SZT2: variants seen among roughly 807,000 people sequenced by gnomAD.
The protein encoded by SZT2 is SZT2 subunit of KICSTOR complex.
A neutral mutation model predicts 404.2 loss-of-function variants in SZT2; 216 were observed. The ratio of observed to expected loss-of-function variants is 0.53; its 90% CI spans 0.48 to 0.60. The LOEUF is 0.60. Among genes scored for constraint, SZT2 ranks in the 20% least tolerant of loss-of-function variants. The pLI, the probability that SZT2 is intolerant of heterozygous loss-of-function variation, is 0.00. For missense variants in SZT2, 3,857 were observed against 4,459.2 expected, an observed-to-expected ratio of 0.86 and a Z score of 3.85; for synonymous variants, 1,693 against 1,749.9, an observed-to-expected ratio of 0.97 and a Z score of 0.81.
chr1:43,422,280 A>G, intron 12 of SZT2, 55 bp downstream of exon 12: 1 of 1,527,004 alleles, frequency 6.5e-7, no homozygotes, highest in Non-Finnish European at 8.8e-7. Flanking sequence ...GGTCAGGGGG[A>G]TAGGGAATGA....
intron 28 of SZT2, 23 bp downstream of exon 28, chr1:43,428,509 G>A (rs1290334478): frequency 6.2e-7 from 1 of 1,608,390 alleles, no homozygotes; most frequent in Admixed American, 1.7e-5. Flanking sequence ...CTTGAATGAT[G>A]GATAAGGGGG....
rs1185144672 is a variant in SZT2, at chr1:43,426,988, G to A, written c.3310-68G>A. On this transcript the variant is annotated intron_variant, in intron 23 of 71. Coordinates refer to ENST00000634258, the MANE Select transcript of SZT2 (RefSeq NM_001365999.1). The surrounding 1 kb of genome is among the most constrained non-coding windows in gnomAD (Gnocchi z 4.9). ...ATACCTAAGATGAGTCAGCTCTAGG[G>A]TGGAGGAGGGGAACAGGGGTTGGAC... 3 of 1,601,086 alleles carry A rather than the reference G, an allele frequency of 1.9e-6. No individual in the cohort carries two copies. Among genetic ancestry groups the A allele is most frequent in the Non-Finnish European group, 2.6e-6 (3 of 1,171,490 alleles).
Position 43,441,346 on chromosome 1 carries a change from G to A in SZT2, c.7477G>A (p.Ala2493Thr), listed in dbSNP as rs1212289852. 2 of 1,614,198 alleles carry A rather than the reference G, an allele frequency of 1.2e-6. No individual in the cohort carries two copies. Among genetic ancestry groups the A allele is most frequent in the South Asian group, 2.2e-5 (2 of 91,074 alleles). Reference protein sequence around the residue: ...SVRTPGGAERAPGSDSGAQRQ... With the variant: ...SVRTPGGAERTPGSDSGAQRQ... Reference sequence around the variant, plus strand: ...TCGGACTCCTGGTGGAGCTGAGCGGGCGCCAGGCTCAGATTCTGGAGCCCA... The same window carrying A: ...TCGGACTCCTGGTGGAGCTGAGCGGACGCCAGGCTCAGATTCTGGAGCCCA... The change falls in exon 53 of 72, where the codon GCG (alanine) becomes ACG (threonine). Residue 2493 changes from alanine (A) to threonine (T), a missense_variant. Transcript: ENST00000634258. The surrounding 1 kb of genome is among the most constrained non-coding windows in gnomAD (Gnocchi z 4.8).
intron 28 of SZT2, 22 bp from the exon 29 acceptor site, chr1:43,429,681 C>T: frequency 6.2e-7 from 1 of 1,614,164 alleles, no homozygotes; most frequent in Non-Finnish European, 8.5e-7. Context: ...AACACTTCAA[C>T]ATCCTTACCC....
At chr1:43,402,045 T>C (rs1649750428) in intron 1 of SZT2, among the ~76,000 whole-genome samples, 1 of 152,230 alleles carries the variant, frequency 6.6e-6, no homozygotes, top group Non-Finnish European at 1.5e-5. Context: ...TCTCCATGCA[T>C]GTTTCCCCAT....
rs773708821 is a variant in SZT2, at chr1:43,447,646, C to T, written c.9388C>T (p.Arg3130Trp). 32 of 1,614,082 alleles carry T rather than the reference C, an allele frequency of 2.0e-5. No homozygotes were observed. The highest frequency in any genetic ancestry group is 8.0e-5 in the African/African-American group (6 of 74,926). The change falls in exon 67 of 72, where the codon CGG becomes TGG. Residue 3130 changes from arginine (R) to tryptophan (W), a missense_variant. Around this residue, in one of 7 missense-constraint regions of SZT2, gnomAD observed 717 missense variants for 868.2 expected, o/e 0.83. Transcript: ENST00000634258. ...CCACATGAAGCCATTGCGAATGGCC[C>T]GGCCAGGGGGCCCAGAACACAACGA... ...SYHMKPLRMARPGGPEHNEYA... is the reference protein window; with the variant it reads ...SYHMKPLRMAWPGGPEHNEYA...
chr1:43,446,115 C>A, intron 63 of SZT2, 64 bp from the exon 64 acceptor site: 2 of 1,603,616 alleles, frequency 1.2e-6, no homozygotes, highest in East Asian at 2.2e-5. Flanking sequence ...GTCCAAGGGA[C>A]TTCCACCCTA....
In SZT2 at chr1:43,448,679, C is replaced by A. The variant is rs1486083296; in HGVS notation, c.10037C>A (p.Pro3346His). 5 of 1,614,182 alleles carry A rather than the reference C, an allele frequency of 3.1e-6. No individual in the cohort carries two copies. The highest frequency in any genetic ancestry group is 1.3e-5 in the African/African-American group (1 of 75,048). ...ATCAAAGTTCTCCTAAGCCGCTTCCCCCAGAGCTGTCGCCATTTCCAAAGC... is the reference window on the plus strand; with the variant it reads ...ATCAAAGTTCTCCTAAGCCGCTTCCACCAGAGCTGTCGCCATTTCCAAAGC... ...SLIKVLLSRFPQSCRHFQSPD... is the reference protein window; with the variant it reads ...SLIKVLLSRFHQSCRHFQSPD... The change falls in exon 70 of 72, where the codon CCC becomes CAC. Residue 3346 changes from proline to histidine, a missense_variant. Pro to His is a moderately conservative substitution (Grantham distance 77). Transcript: ENST00000634258. The surrounding 1 kb of genome is among the most constrained non-coding windows in gnomAD (Gnocchi z 4.2).
In SZT2 at chr1:43,420,856, A is replaced by G; in HGVS notation, c.1369A>G (p.Thr457Ala). 1 of 1,598,464 alleles carries G rather than the reference A, an allele frequency of 6.3e-7. No individual in the cohort carries two copies. The highest frequency in any genetic ancestry group is 8.5e-7 in the Non-Finnish European group (1 of 1,179,800). Residue 457 changes from threonine (T) to alanine (A), a missense_variant, in exon 10 of 72, where the codon ACA becomes GCA. This residue lies in a region of SZT2 where 536 missense variants were observed against 637.4 expected (regional missense o/e 0.84). Coordinates refer to ENST00000634258, the MANE Select transcript of SZT2 (RefSeq NM_001365999.1). The surrounding 1 kb of genome is among the most constrained non-coding windows in gnomAD (Gnocchi z 5.1). ...WPLEPEGPRV[T>A]RVEVTMEGGY... ...CCTGGAGCCTGAGGGCCCTCGAGTA[A>G]CACGGGTGGAAGTGACGATGGAAGG...
intron 70 of SZT2, chr1:43,449,051 TTGAAGCCTTGTTACTTAAAG>T (rs1397435560): frequency 1.0e-5 from 3 of 297,372 alleles, no homozygotes; most frequent in Non-Finnish European, 1.9e-5. Flanking sequence ...CCCTTGGACT[TTGAAGCCTTGTTACTTAAAG>T]TGTGGTCCAC....
rs1175381611 is a variant in SZT2, at chr1:43,448,159, C to T, written c.9644C>T (p.Pro3215Leu). The change falls in exon 69 of 72, where the codon CCA becomes CTA. Residue 3215 changes from proline to leucine, a missense_variant. This residue lies in a region of SZT2 where 717 missense variants were observed against 868.2 expected (regional missense o/e 0.83). Transcript: ENST00000634258. This position sits in a 1 kb window ranked among gnomAD's most constrained non-coding sequence, Gnocchi z 4.2. ...GCTGACATGCGCCGCTTCCGGAAGC[C>T]ACCCAGACTGCCCCCTGAGCCAGAG... ...LTADMRRFRK[P>L]PRLPPEPEAP... The T allele has an allele frequency of 6.2e-7, 1 of 1,611,430 alleles. No homozygotes were observed. Among genetic ancestry groups the T allele is most frequent in the Non-Finnish European group, 8.5e-7 (1 of 1,178,414 alleles).
chr1:43,403,046 A>T, intron 1 of SZT2, 131 bp from the exon 2 acceptor site: 1 of 991,836 alleles, frequency 1.0e-6, no homozygotes, highest in Admixed American at 2.3e-5. Context: ...GTTGGGGTAA[A>T]CTTTTCACTT....
chr1:43,400,057 A>G (rs565428064), intron 1 of SZT2, among the ~76,000 whole-genome samples: 14 of 151,824 alleles, frequency 9.2e-5, no homozygotes, highest in African/African-American at 2.4e-4. Flanking sequence ...TCCCACCTCA[A>G]TCTCCCAAGT....
At chr1:43,400,887 A>G (rs919617020) in intron 1 of SZT2, among the ~76,000 whole-genome samples, 1 of 151,958 alleles carries the variant, frequency 6.6e-6, no homozygotes, top group Non-Finnish European at 1.5e-5. Flanking sequence ...AAAAAAAAAG[A>G]ACCTAGTATA....
In SZT2 at chr1:43,426,881, A is replaced by G. The variant is rs1012152064; in HGVS notation, c.3309+72A>G. The G allele has an allele frequency of 1.5e-5, 23 of 1,566,026 alleles. No homozygotes were observed. In the African/African-American group the frequency reaches 2.2e-4, roughly 15 times the overall value. Reference sequence around the variant, plus strand: ...TCCAGCACCACATCTTCAGGCCCCAACCTTCTACCGCCCTTGAGACTAAAT... The same window carrying G: ...TCCAGCACCACATCTTCAGGCCCCAGCCTTCTACCGCCCTTGAGACTAAAT... On this transcript the variant is annotated intron_variant, in intron 23 of 71. Transcript: ENST00000634258. This position sits in a 1 kb window ranked among gnomAD's most constrained non-coding sequence, Gnocchi z 4.9.
At position 43,403,268 on chromosome 1, in the gene SZT2, A is replaced by G. The variant is rs756496277; in HGVS notation, c.119A>G (p.His40Arg). 1.9e-6 allele frequency: 3 copies of G among 1,613,962 alleles called. No individual in the cohort carries two copies. Among genetic ancestry groups the G allele is most frequent in the South Asian group, 2.2e-5 (2 of 91,072 alleles). ...VRLAWFLSHL[H>R]QTVQATPQEM... is the part of the protein sequence containing the mutation. ...CTGGCTTGGTTCCTCAGTCATCTGC[A>G]CCAAACTGTGCAGGCCACACCCCAG... The change falls in exon 2 of 72, where the codon CAC becomes CGC. Residue 40 changes from histidine to arginine, a missense_variant. His to Arg is a conservative substitution (Grantham distance 29, BLOSUM62 0). This residue lies in a region of SZT2 where 536 missense variants were observed against 637.4 expected (regional missense o/e 0.84). Coordinates refer to ENST00000634258, the MANE Select transcript of SZT2 (RefSeq NM_001365999.1).
At position 43,447,660 on chromosome 1, in the gene SZT2, A is replaced by G. The variant is rs112555675; in HGVS notation, c.9402A>G (p.Pro3134=). 6.2e-7 allele frequency: 1 copy of G among 1,614,210 alleles called. No homozygotes were observed. The highest frequency in any genetic ancestry group is 1.3e-5 in the African/African-American group (1 of 75,060). Reference sequence around the variant, plus strand: ...TGCGAATGGCCCGGCCAGGGGGCCCAGAACACAACGAGTATGCCCTGGTGT... The same window carrying G: ...TGCGAATGGCCCGGCCAGGGGGCCCGGAACACAACGAGTATGCCCTGGTGT... The part of the protein sequence containing the change: ...KPLRMARPGG[P]EHNEYALVSA... Residue 3134 remains proline, a synonymous_variant, in exon 67 of 72, where the codon CCA becomes CCG. Coordinates refer to ENST00000634258, the MANE Select transcript of SZT2 (RefSeq NM_001365999.1).
chr1:43,427,214 G>A (rs1653264434), intron 24 of SZT2, 35 bp downstream of exon 24: 6 of 1,610,356 alleles, frequency 3.7e-6, no homozygotes, highest in Non-Finnish European at 4.2e-6. Flanking sequence ...AACCCCCTCA[G>A]ATACAAACCC....
chr1:43,416,236 G>T, intron 6 of SZT2, 135 bp downstream of exon 6: 1 of 1,202,342 alleles, frequency 8.3e-7, no homozygotes, highest in Non-Finnish European at 1.1e-6. Flanking sequence ...TTTGCAAAAT[G>T]TAAGTCTGTA....
Sources: allele counts gnomAD v4.1 joint callset (sites outside exome capture counted in the v4.1 genomes callset), GRCh38; gene constraint gnomAD v4.1.1; regional missense constraint gnomAD v4.1.1; non-coding constraint Gnocchi (gnomAD v3.1); transcripts MANE v1.5; gene names NCBI Gene and HGNC (gene_info 2026-07-23, HGNC 2026-07-21).